Variants in LTBP3 observed in about 807,000 individuals in gnomAD.
The protein encoded by LTBP3 is latent-transforming growth factor beta-binding protein 3.
Under a neutral mutation model 159.7 loss-of-function variants are expected in LTBP3, and 97 were observed. The ratio of observed to expected loss-of-function variants is 0.61; its 90% confidence interval spans 0.52 to 0.72. The LOEUF is 0.72. Ranked by LOEUF, LTBP3 falls within the 30% of genes least tolerant of loss-of-function variation. LTBP3 has a pLI of 0.00. For missense variants in LTBP3, 1,584 were observed against 1,864.3 expected (o/e 0.85, Z 2.77); for synonymous variants, 824 against 777.1 (o/e 1.06, Z -1.00).
chr11:65,558,171 C>G lies in LTBP3; in HGVS notation c.-212G>C, dbSNP rs570121811. On this transcript the variant is annotated 5_prime_UTR_variant, in exon 1 of 28. Transcript: ENST00000301873. ...GGGGAGCGCAGAAACTTCCCAGCCC[C>G]AGGACGAAGCCCAGACCAGGCCCCG... 1.5e-5 allele frequency: 16 copies of G among 1,069,516 alleles called. No homozygotes were observed. In the Middle Eastern group the frequency reaches 1.3e-3, roughly 85 times the overall value. 66.3% of individuals were successfully genotyped at this position (1,069,516 alleles called of 1,614,324 possible). A position where few individuals can be genotyped will look rare whatever the true frequency, so the allele number is the denominator to read the frequency against.
rs761984552 is a variant in LTBP3, at chr11:65,540,950, C to T, written c.2898G>A (p.Glu966=). The stretch of plus-strand genomic sequence containing the variant: ...TTCCGTCTGGGCAGAGGCTGTGGAA[C>T]TCGGCTGCAGGGGCAGGGCGGCCGT... ...IYPCPVYSSA[E]FHSLCPDGKG... The change falls in exon 21 of 28, where the codon GAG becomes GAA. Residue 966 remains glutamate (E), a synonymous_variant. Transcript: ENST00000301873. The T allele has an allele frequency of 1.9e-6, 3 of 1,613,170 alleles. No homozygotes were observed. In the African/African-American group the frequency reaches 4.0e-5, roughly 22 times the overall value.
rs905092403 is a variant in LTBP3, at chr11:65,538,740, C to G, written c.*340G>C. ...CGGGCTCAGTCTAGCCCCTGGGAGG[C>G]GGCTGGGGTCTGGCGCCGCCCTGCG... On this transcript the variant is annotated 3_prime_UTR_variant, in exon 28 of 28. Coordinates refer to ENST00000301873, the MANE Select transcript of LTBP3 (RefSeq NM_001130144.3). 2 of 1,002,070 alleles carry G rather than the reference C, an allele frequency of 2.0e-6. No homozygotes were observed. The highest frequency in any genetic ancestry group is 3.3e-5 in the African/African-American group (2 of 61,348). The allele number at this position is 1,002,070 out of a possible 1,614,324, so 62.1% of individuals were successfully genotyped here.
At chr11:65,551,311 G>T in intron 10 of LTBP3, 87 bp from the exon 11 acceptor site, 1 of 1,545,278 alleles carries the variant, frequency 6.5e-7, no homozygotes, top group Non-Finnish European at 8.7e-7. Flanking sequence ...CCCCACCCCA[G>T]CTTGACTGTC....
rs1188503855 is a variant in LTBP3 at position 65,553,992 on chromosome 11, C to T, written c.661+59G>A. On this transcript the variant is annotated intron_variant, in intron 2 of 27. Transcript: ENST00000301873. The surrounding 1 kb of genome is among the most constrained non-coding windows in gnomAD (Gnocchi z 6.5). ...CCTCCAGGGCTGAACCTGCCCTGCC[C>T]TGGCCACCCTAGTGCCCACCCACTG... 7 of 1,580,794 alleles carry T rather than the reference C, an allele frequency of 4.4e-6. No homozygotes were observed. The East Asian group carries it at 1.1e-4, about 25-fold the overall frequency.
At position 65,548,134 on chromosome 11, in the gene LTBP3, C is replaced by T. The variant is rs142719552; in HGVS notation, c.1721-89G>A. The stretch of plus-strand genomic sequence containing the variant: ...GCAGACCTCAACACCCCAGTCACAC[C>T]ATGACCTCAGGTTCCTGTACGCCCA... On this transcript the variant is annotated intron_variant, in intron 11 of 27. Transcript: ENST00000301873. 7.0e-5 allele frequency: 111 copies of T among 1,589,802 alleles called. 1 individual carries two copies. In the East Asian group the frequency reaches 2.4e-3, roughly 35 times the overall value.
rs908146081 is a variant in LTBP3 at position 65,539,277 on chromosome 11, G to A, written c.3761-46C>T. 8.6e-6 allele frequency: 13 copies of A among 1,515,106 alleles called. No homozygotes were observed. The African/African-American group carries it at 1.7e-4, about 20-fold the overall frequency. The allele number at this position is 1,515,106 out of a possible 1,614,324, so 93.9% of individuals were successfully genotyped here. ...TGCGGCTTCGCTGAGCCTCCAGGCG[G>A]CTCCTCACCACCGGCCCCGCCCCTG... On this transcript the variant is annotated intron_variant, in intron 27 of 27. Coordinates refer to ENST00000301873, the MANE Select transcript of LTBP3 (RefSeq NM_001130144.3).
intron 10 of LTBP3, 31 bp from the exon 11 acceptor site, chr11:65,551,255 C>T (rs181803423): frequency 1.6e-5 from 24 of 1,533,880 alleles, no homozygotes; most frequent in Non-Finnish European, 2.0e-5. Context: ...TGGTCAGAGA[C>T]GATATTGACT....
In LTBP3 at chr11:65,551,189, A is replaced by G; in HGVS notation, c.1657T>C (p.Trp553Arg). ...ISRPSPPTMR[W>R]FLPDLPPSRS... The stretch of plus-strand genomic sequence containing the variant: ...GAAGGAGGCAAGTCCGGCAGGAACC[A>G]GCGCATGGTCGGGGGCGAGGGACGG... The change falls in exon 11 of 28, where the codon TGG (tryptophan) becomes CGG (arginine). Residue 553 changes from tryptophan to arginine, a missense_variant. Physicochemically the swap from Trp to Arg is moderately radical, Grantham distance 101 (BLOSUM62 -3). Around this residue, in one of 6 missense-constraint regions of LTBP3, gnomAD observed 565 missense variants for 677.7 expected, o/e 0.83. Coordinates refer to ENST00000301873, the MANE Select transcript of LTBP3 (RefSeq NM_001130144.3). The G allele has an allele frequency of 6.4e-7, 1 of 1,551,632 alleles. No individual in the cohort carries two copies. Among genetic ancestry groups the G allele is most frequent in the Non-Finnish European group, 8.7e-7 (1 of 1,148,202 alleles).
intron 16 of LTBP3, chr11:65,545,435 G>A: frequency 8.6e-6 from 2 of 231,298 alleles, no homozygotes; most frequent in Non-Finnish European, 8.6e-6. Flanking sequence ...TTTGTCCAAT[G>A]TGGAGCTCAG....
At chr11:65,551,002 G>T in intron 11 of LTBP3, 124 bp downstream of exon 11, 2 of 825,436 alleles carry the variant, frequency 2.4e-6, no homozygotes, top group Non-Finnish European at 4.0e-6. Context: ...GGCTTCCCCA[G>T]TGCCCAGCCC....
At chr11:65,540,206 G>A (rs1298201697) in intron 23 of LTBP3, 39 bp downstream of exon 23, 39 of 1,544,834 alleles carry the variant, frequency 2.5e-5, no homozygotes, top group Admixed American at 7.9e-5. Flanking sequence ...CCCGGGCCCC[G>A]CCCCTCCCGC....
At position 65,553,109 on chromosome 11, in the gene LTBP3, C is replaced by T; in HGVS notation, c.1063+55G>A. 12 of 1,606,788 alleles carry T rather than the reference C, an allele frequency of 7.5e-6. No individual in the cohort carries two copies. Among genetic ancestry groups the T allele is most frequent in the Non-Finnish European group, 1.0e-5 (12 of 1,173,626 alleles). ...CGCCCACCTTGGGACCCTCCCCACC[C>T]CCAGTGATGGCTGGCCTGCCCCTCC... On this transcript the variant is annotated intron_variant, in intron 5 of 27. Transcript: ENST00000301873. This position sits in a 1 kb window ranked among gnomAD's most constrained non-coding sequence, Gnocchi z 6.5.
chr11:65,557,607 C>G (rs1315614716), intron 1 of LTBP3, 22 bp downstream of exon 1: 2 of 1,606,608 alleles, frequency 1.2e-6, no homozygotes, highest in East Asian at 2.2e-5. Flanking sequence ...CCCCTGCCCC[C>G]AGCCGTGCCC....
intron 11 of LTBP3, chr11:65,548,452 C>T (rs1202636617): frequency 2.6e-6 from 1 of 387,572 alleles, no homozygotes; most frequent in Non-Finnish European, 4.8e-6. Context: ...CACCAGTGTC[C>T]TCTAGCCCAG....
Position 65,551,460 on chromosome 11 carries a change from C to T in LTBP3, c.1563G>A (p.Glu521=). 6.2e-7 allele frequency: 1 copy of T among 1,614,026 alleles called. No individual in the cohort carries two copies. Among genetic ancestry groups the T allele is most frequent in the Non-Finnish European group, 8.5e-7 (1 of 1,180,018 alleles). The change falls in exon 10 of 28, where the codon GAG becomes GAA. Residue 521 remains glutamate (E), a synonymous_variant. Transcript: ENST00000301873. The stretch of plus-strand genomic sequence containing the variant: ...TTGGGTGGCTCTGCTGCACTGACCT[C>T]TCCTCACTCACCGGCTGCGGGTGAC... ...GVTTDSPVSE[E]RSVQQSHPTA...
At chr11:65,542,406 T>TG (rs1856181827) in intron 18 of LTBP3, 10 of 147,170 alleles carry the variant, frequency 6.8e-5, no homozygotes, top group African/African-American at 2.6e-4. Context: ...TTTTTTTTTT[T>TG]GAGATGGAAT....
intron 1 of LTBP3, among the ~76,000 whole-genome samples, chr11:65,555,375 G>C (rs1317374808): frequency 6.6e-6 from 1 of 151,940 alleles, no homozygotes; most frequent in East Asian, 1.9e-4. Context: ...CTGCCTCCTG[G>C]CCTCATCCAT....
chr11:65,557,565 T>C, intron 1 of LTBP3, 64 bp downstream of exon 1: 1 of 1,596,982 alleles, frequency 6.3e-7, no homozygotes. Context: ...AAGACCCCAC[T>C]AGCTCTCCCA....
At position 65,539,429 on chromosome 11, in the gene LTBP3, T is replaced by C. The variant is rs1256160103; in HGVS notation, c.3659A>G (p.Glu1220Gly). The part of the protein sequence containing the change: ...DEDSSEEDSD[E>G]CRCVSGRCVP... Reference sequence around the variant, plus strand: ...GCAGCGGCCACTCACGCAGCGACACTCGTCTGAATCCTCCTCTGAACTGTC... The same window carrying C: ...GCAGCGGCCACTCACGCAGCGACACCCGTCTGAATCCTCCTCTGAACTGTC... The change falls in exon 27 of 28, where the codon GAG becomes GGG. Residue 1220 changes from glutamate (E) to glycine (G), a missense_variant. Physicochemically the swap from Glu to Gly is moderately conservative, Grantham distance 98. Coordinates refer to ENST00000301873, the MANE Select transcript of LTBP3 (RefSeq NM_001130144.3). 6.4e-7 allele frequency: 1 copy of C among 1,554,324 alleles called. No homozygotes were observed. The highest frequency in any genetic ancestry group is 1.9e-5 in the Admixed American group (1 of 51,394).
Sources: allele counts gnomAD v4.1 joint callset (sites outside exome capture counted in the v4.1 genomes callset), GRCh38; gene constraint gnomAD v4.1.1; regional missense constraint gnomAD v4.1.1; non-coding constraint Gnocchi (gnomAD v3.1); transcripts MANE v1.5; gene names NCBI Gene and HGNC (gene_info 2026-07-23, HGNC 2026-07-21).